Variants in ANK1 observed in about 807,000 individuals in gnomAD.
ANK1 encodes ankyrin-1.
Under a neutral mutation model 210.4 loss-of-function variants are expected in ANK1, and 51 were observed. That is an observed-to-expected ratio of 0.24 (90% confidence interval 0.19 to 0.31). The LOEUF (loss-of-function observed/expected upper bound fraction) is 0.31, where lower values mean the gene tolerates loss of function less well. ANK1 is among the 10% of genes least tolerant of loss of function. The pLI, the probability that ANK1 is intolerant of heterozygous loss-of-function variation, is 1.00. For synonymous variants in ANK1, 967 were observed against 1,025.9 expected, an observed-to-expected ratio of 0.94 and a Z score of 1.10; for missense variants, 2,051 against 2,504.4, an observed-to-expected ratio of 0.82 and a Z score of 3.86.
intron 1 of ANK1, among the ~76,000 whole-genome samples, chr8:41,807,394 T>C (rs1357415222): frequency 6.6e-6 from 1 of 152,200 alleles, no homozygotes. Flanking sequence ...GAGTCACTTA[T>C]AGTTTATTTA....
chr8:41,788,351 T>C (rs147398989), intron 1 of ANK1, among the ~76,000 whole-genome samples: 48 of 152,280 alleles, frequency 3.2e-4, no homozygotes, highest in Middle Eastern at 3.4e-3. Context: ...AGATTTCTCA[T>C]TGTGAAGTCG....
chr8:41,781,924 C>T (rs542658994), intron 1 of ANK1, among the ~76,000 whole-genome samples: 21 of 152,312 alleles, frequency 1.4e-4, no homozygotes, highest in African/African-American at 4.3e-4. Flanking sequence ...TGGCGGCTCC[C>T]CTGCTGCCTC....
At position 41,795,244 on chromosome 8, in the gene ANK1, G is replaced by A. The variant is rs1016393267; in HGVS notation, c.27+2268C>T. The stretch of plus-strand genomic sequence containing the variant: ...AAAACTATTATAGGCCAGGCGCAGC[G>A]GCTCACGCCTGTAATGCCGGCACTT... On this transcript the variant is annotated intron_variant, in intron 1 of 42. Coordinates refer to ENST00000289734, the MANE Select transcript of ANK1 (RefSeq NM_000037.4). Among the ~76,000 whole-genome samples the A allele has an allele frequency of 7.2e-5, 11 of 152,168 alleles. 1 individual carries two copies. The highest frequency in any genetic ancestry group is 6.5e-4 in the Admixed American group (10 of 15,280).
At chr8:41,698,296 C>A (rs1386556431) in intron 23 of ANK1, among the ~76,000 whole-genome samples, 175 bp from the exon 24 acceptor site, 2 of 152,232 alleles carry the variant, frequency 1.3e-5, no homozygotes, top group Non-Finnish European at 2.9e-5. Context: ...ATGACTCCAA[C>A]CTGCACTTGT....
chr8:41,706,106 A>G (rs747791684), intron 18 of ANK1, 37 bp downstream of exon 18: 2 of 1,561,738 alleles, frequency 1.3e-6, no homozygotes, highest in African/African-American at 1.4e-5. Flanking sequence ...GTGAGCAAGG[A>G]GTCCACACAG....
chr8:41,725,701 G>A (rs1830502937), intron 6 of ANK1, 60 bp downstream of exon 6: 1 of 1,567,648 alleles, frequency 6.4e-7, no homozygotes, highest in African/African-American at 1.3e-5. Context: ...GGCGTGCGCG[G>A]TGCCCCCTGA....
intron 23 of ANK1, among the ~76,000 whole-genome samples, chr8:41,699,213 G>A (rs980812525): frequency 6.6e-6 from 1 of 152,122 alleles, no homozygotes; most frequent in African/African-American, 2.4e-5. Flanking sequence ...GGTGGGAGAG[G>A]AGGGGAGCCT....
intron 3 of ANK1, among the ~76,000 whole-genome samples, chr8:41,732,665 G>A (rs966596310): frequency 1.3e-5 from 2 of 151,412 alleles, no homozygotes; most frequent in East Asian, 1.9e-4. Flanking sequence ...TCCCCTCCTC[G>A]GCCTCCCAAA....
rs539437496 is a variant in ANK1, at chr8:41,773,338, A to G, written c.28-15201T>C. 9.2e-5 allele frequency among the ~76,000 whole-genome samples: 14 copies of G among 152,052 alleles called. No homozygotes were observed. In the South Asian group the frequency reaches 2.3e-3, roughly 25 times the overall value. ...TGGCAGCCCTGGAGTCTATTTTTAA[A>G]CCCATGAGAAAGGTGCTGTGTGGAT... On this transcript the variant is annotated intron_variant, in intron 1 of 42. Transcript: ENST00000289734.
intron 1 of ANK1, among the ~76,000 whole-genome samples, chr8:41,802,951 G>T (rs1036175420): frequency 5.6e-5 from 3 of 53,312 alleles, no homozygotes; most frequent in Middle Eastern, 8.2e-3. Flanking sequence ...GAGAGAAAGG[G>T]GGGGGGGGAG....
At chr8:41,818,263 T>C (rs1228680484) in intron 1 of ANK1, among the ~76,000 whole-genome samples, 7 of 152,126 alleles carry the variant, frequency 4.6e-5, no homozygotes, top group Non-Finnish European at 1.0e-4. Flanking sequence ...AGGAGTAAAG[T>C]TTTAAATCAG....
intron 23 of ANK1, among the ~76,000 whole-genome samples, 199 bp from the exon 24 acceptor site, chr8:41,698,320 A>C (rs185870710): frequency 1.3e-5 from 2 of 152,088 alleles, no homozygotes; most frequent in Admixed American, 1.3e-4. Flanking sequence ...CCCTTTCTCT[A>C]CCTTTAGAAC....
intron 1 of ANK1, among the ~76,000 whole-genome samples, chr8:41,814,544 CAG>C (rs1803019491): frequency 6.6e-6 from 1 of 151,998 alleles, no homozygotes; most frequent in Non-Finnish European, 1.5e-5. Flanking sequence ...AAATATTTGT[CAG>C]AGTGTTTTCC....
intron 35 of ANK1, 25 bp downstream of exon 35, chr8:41,688,131 T>G (rs772420567): frequency 1.2e-6 from 2 of 1,612,232 alleles, no homozygotes; most frequent in Non-Finnish European, 1.7e-6. Flanking sequence ...ACAAAGTGCT[T>G]TTCTGCCCCC....
chr8:41,806,123 T>C (rs889099933), intron 1 of ANK1, among the ~76,000 whole-genome samples: 2 of 152,360 alleles, frequency 1.3e-5, no homozygotes, highest in East Asian at 3.9e-4. Flanking sequence ...TGAAAGGGTC[T>C]TTGGGGAGCT....
In ANK1 at chr8:41,668,405, C is replaced by T. The variant is rs777659353; in HGVS notation, c.5256G>A (p.Lys1752=). The change falls in exon 39 of 43, where the codon AAG becomes AAA. Residue 1752 remains lysine, a synonymous_variant. Transcript: ENST00000289734. ...LEPGGSQEYE[K]VLVSVSEHTW... ...TGTGCTCACTTACAGACACCAGGAC[C>T]TTCTCGTACTCCTGAGATCCACCGG... 4 of 1,614,240 alleles carry T rather than the reference C, an allele frequency of 2.5e-6. No individual in the cohort carries two copies. Among genetic ancestry groups the T allele is most frequent in the Admixed American group, 3.3e-5 (2 of 60,030 alleles).
At chr8:41,811,762 A>G (rs1235461296) in intron 1 of ANK1, among the ~76,000 whole-genome samples, 1 of 152,228 alleles carries the variant, frequency 6.6e-6, no homozygotes, top group Non-Finnish European at 1.5e-5. Flanking sequence ...TGCCGGTGCA[A>G]TGTTCAACAC....
rs1405802767 is a variant in ANK1 at position 41,653,597 on chromosome 8, G to A, written c.*2193C>T. On this transcript the variant is annotated 3_prime_UTR_variant, in exon 43 of 43. Transcript: ENST00000289734. ...TGGGTTGGCTGCAGCAGCGACCTGG[G>A]AGAGGAAGGTGCAGGATCGAGGCGG... The A allele has an allele frequency of 2.6e-5, 4 of 153,022 alleles. No homozygotes were observed. The East Asian group carries it at 7.7e-4, about 29-fold the overall frequency. 9.5% of individuals were successfully genotyped at this position (153,022 alleles called of 1,614,324 possible).
At chr8:41,895,174 G>A (rs1447232893) in intron 1 of ANK1, among the ~76,000 whole-genome samples, 3 of 152,150 alleles carry the variant, frequency 2.0e-5, no homozygotes, top group African/African-American at 7.2e-5. Flanking sequence ...TTCTTTCTCG[G>A]AATGAGACAG....
Sources: allele counts gnomAD v4.1 joint callset (sites outside exome capture counted in the v4.1 genomes callset), GRCh38; gene constraint gnomAD v4.1.1; transcripts MANE v1.5; gene names NCBI Gene and HGNC (gene_info 2026-07-23, HGNC 2026-07-21).